Variants in FLRT1 observed in about 807,000 individuals in gnomAD.
FLRT1 encodes the protein leucine-rich repeat transmembrane protein FLRT1.
Under a neutral mutation model 30.9 loss-of-function variants are expected in FLRT1, and 14 were observed. That is an observed-to-expected ratio of 0.45 (90% CI 0.30 to 0.71). The LOEUF (loss-of-function observed/expected upper bound fraction) is 0.71, where lower values mean the gene tolerates loss of function less well. Ranked by LOEUF, FLRT1 falls within the 30% of genes least tolerant of loss-of-function variation. FLRT1 has a pLI of 0.08. For missense variants in FLRT1, 737 were observed against 949.2 expected (o/e 0.78, Z 2.94); for synonymous variants, 368 against 430.4 (o/e 0.85, Z 1.80).
chr11:64,042,366 A>T (rs1465438974), intron 1 of FLRT1, among the ~76,000 whole-genome samples: 1 of 152,028 alleles, frequency 6.6e-6, no homozygotes, highest in Non-Finnish European at 1.5e-5. Flanking sequence ...TCCTGCCCCC[A>T]GACAGTGGCC....
At position 64,117,793 on chromosome 11, in the gene FLRT1, C is replaced by T; in HGVS notation, c.1526C>T (p.Thr509Ile). The change falls in exon 3 of 3, where the codon ACC becomes ATC. Residue 509 changes from threonine (T) to isoleucine (I), a missense_variant. Transcript: ENST00000682287. The part of the protein sequence containing the change: ...PKSTYIICMV[T>I]METSNAYVAD... ...TCCACCTACATCATCTGCATGGTCA[C>T]CATGGAGACCAGCAATGCCTACGTA... is the stretch of plus-strand genomic sequence containing the variant. 6.2e-7 allele frequency: 1 copy of T among 1,614,188 alleles called. No individual in the cohort carries two copies. The highest frequency in any genetic ancestry group is 8.5e-7 in the Non-Finnish European group (1 of 1,180,052).
chr11:64,053,817 C>T (rs1488718706), intron 1 of FLRT1, among the ~76,000 whole-genome samples: 3 of 152,258 alleles, frequency 2.0e-5, no homozygotes, highest in East Asian at 1.9e-4. Context: ...CTTGCCTGCC[C>T]GCAGATGGGG....
chr11:64,107,900 T>C (rs533227367), intron 2 of FLRT1, among the ~76,000 whole-genome samples: 135 of 152,326 alleles, frequency 8.9e-4, no homozygotes, highest in African/African-American at 3.1e-3. Context: ...CTGCAGTTCA[T>C]GTCTGGGGCT....
chr11:64,054,146 C>T (rs952494152), intron 1 of FLRT1, among the ~76,000 whole-genome samples: 2 of 152,200 alleles, frequency 1.3e-5, no homozygotes, highest in African/African-American at 2.4e-5. Flanking sequence ...TGGAGCCCCA[C>T]GGCTAGCCAG....
intron 2 of FLRT1, among the ~76,000 whole-genome samples, chr11:64,109,395 G>A (rs1944820659): frequency 1.3e-5 from 2 of 152,140 alleles, no homozygotes; most frequent in Non-Finnish European, 2.9e-5. Flanking sequence ...CCCCAGACCT[G>A]GGAAACCCGG....
At chr11:64,045,121 T>G (rs557608207) in intron 1 of FLRT1, among the ~76,000 whole-genome samples, 1 of 152,298 alleles carries the variant, frequency 6.6e-6, no homozygotes, top group African/African-American at 2.4e-5. Context: ...TGGCATGTGC[T>G]TCTGCCTCGG....
Position 64,116,705 on chromosome 11 carries a change from G to A in FLRT1, c.438G>A (p.Ser146=), listed in dbSNP as rs780377796. The A allele has an allele frequency of 1.4e-5, 22 of 1,613,674 alleles. No homozygotes were observed. The highest frequency in any genetic ancestry group is 1.6e-5 in the Non-Finnish European group (19 of 1,180,022). ...ATGTGCGCACCATTGCCAGGGACTC[G>A]CTGGCCCGCATCCCGCTGCTGGAGA... ...DNNVRTIARD[S]LARIPLLEKL... The change falls in exon 3 of 3, where the codon TCG becomes TCA. Residue 146 remains serine (S), a synonymous_variant. Transcript: ENST00000682287.
intron 2 of FLRT1, among the ~76,000 whole-genome samples, chr11:64,108,904 G>A (rs897302805): frequency 2.6e-4 from 39 of 152,228 alleles, no homozygotes; most frequent in African/African-American, 8.9e-4. Context: ...ACCAGTGCCA[G>A]GCCACATGGG....
intron 2 of FLRT1, among the ~76,000 whole-genome samples, chr11:64,114,003 G>A (rs1470767335): frequency 7.6e-5 from 11 of 145,236 alleles, no homozygotes; most frequent in African/African-American, 2.8e-4. Flanking sequence ...TGAATGGACA[G>A]GTGGATGCAT....
rs756943299 is a variant in FLRT1, at chr11:64,067,432, C to T, written c.-1038+31273C>T. Among the ~76,000 whole-genome samples the T allele has an allele frequency of 7.2e-5, 11 of 152,186 alleles. No individual in the cohort carries two copies. Among genetic ancestry groups the T allele is most frequent in the Non-Finnish European group, 1.2e-4 (8 of 68,034 alleles). ...CCTTTCAGCTCACAAATCATGCCCC[C>T]GGCCCAGGTGACAGCCAGCACAGAC... On this transcript the variant is annotated intron_variant, in intron 1 of 2. Coordinates refer to ENST00000682287, the MANE Select transcript of FLRT1 (RefSeq NM_013280.5). This position sits in a 1 kb window ranked among gnomAD's most constrained non-coding sequence, Gnocchi z 4.6.
intron 1 of FLRT1, among the ~76,000 whole-genome samples, chr11:64,061,055 G>A (rs1943893314): frequency 2.0e-5 from 3 of 152,268 alleles, no homozygotes; most frequent in Admixed American, 6.5e-5. Context: ...TTGATGGAAA[G>A]GGCTTGGCGT....
At chr11:64,041,916 C>T (rs545333153) in intron 1 of FLRT1, among the ~76,000 whole-genome samples, 35 of 152,280 alleles carry the variant, frequency 2.3e-4, no homozygotes, top group African/African-American at 6.3e-4. Flanking sequence ...GAGTGAGATT[C>T]GGTGGGCTGA....
chr11:64,048,295 G>A (rs1943624232), intron 1 of FLRT1, among the ~76,000 whole-genome samples: 1 of 152,250 alleles, frequency 6.6e-6, no homozygotes, highest in Non-Finnish European at 1.5e-5. Context: ...CTGCCCCCAT[G>A]GGAGGTGCAG....
chr11:64,101,080 T>C (rs1944662335), intron 1 of FLRT1, among the ~76,000 whole-genome samples: 1 of 152,000 alleles, frequency 6.6e-6, no homozygotes, highest in Non-Finnish European at 1.5e-5. Flanking sequence ...CTTTTCATGC[T>C]CCGTTGTTGC....
chr11:64,117,195 C>T lies in FLRT1; in HGVS notation c.928C>T (p.Pro310Ser). 1 of 1,614,146 alleles carries T rather than the reference C, an allele frequency of 6.2e-7. No individual in the cohort carries two copies. The highest frequency in any genetic ancestry group is 1.1e-5 in the South Asian group (1 of 91,088). The change falls in exon 3 of 3, where the codon CCC becomes TCC. Residue 310 changes from proline (P) to serine (S), a missense_variant. Transcript: ENST00000682287. ...GTCCAACAACAACCTGACCACGCTG[C>T]CCCGCGGCCTGTTCGACGACCTGGG... The part of the protein sequence containing the change: ...DLSNNNLTTL[P>S]RGLFDDLGNL...
rs984827639 is a variant in FLRT1, at chr11:64,118,415, G to A, written c.*123G>A. The stretch of plus-strand genomic sequence containing the variant: ...GAAATTCCATGGGTGACTTTCCTCC[G>A]CAGAAAGCAAAGTTTGGGGAGGGCT... On this transcript the variant is annotated 3_prime_UTR_variant, in exon 3 of 3. Coordinates refer to ENST00000682287, the MANE Select transcript of FLRT1 (RefSeq NM_013280.5). The A allele has an allele frequency of 4.1e-5, 52 of 1,253,284 alleles. No individual in the cohort carries two copies. Among genetic ancestry groups the A allele is most frequent in the Middle Eastern group, 2.8e-4 (1 of 3,522 alleles). 77.6% of individuals were successfully genotyped at this position (1,253,284 alleles called of 1,614,324 possible). A position where few individuals can be genotyped will look rare whatever the true frequency, so the allele number is the denominator to read the frequency against.
chr11:64,057,276 C>T (rs150190800), intron 1 of FLRT1, among the ~76,000 whole-genome samples: 108 of 152,356 alleles, frequency 7.1e-4, no homozygotes, highest in African/African-American at 2.5e-3. Flanking sequence ...TTCCTCCCTG[C>T]AGACTGAGAG....
chr11:64,112,049 A>AG (rs1944872133), intron 2 of FLRT1, among the ~76,000 whole-genome samples: 2 of 152,212 alleles, frequency 1.3e-5, no homozygotes, highest in South Asian at 4.1e-4. Context: ...TCCTTCTGCC[A>AG]GGGGACCATG....
At chr11:64,072,557 G>A (rs1034489910) in intron 1 of FLRT1, among the ~76,000 whole-genome samples, 6 of 152,224 alleles carry the variant, frequency 3.9e-5, no homozygotes, top group Non-Finnish European at 2.9e-5. Flanking sequence ...TAGCAGCTGC[G>A]CTGCATCCTG....
Sources: allele counts gnomAD v4.1 joint callset (sites outside exome capture counted in the v4.1 genomes callset), GRCh38; gene constraint gnomAD v4.1.1; non-coding constraint Gnocchi (gnomAD v3.1); transcripts MANE v1.5; gene names NCBI Gene and HGNC (gene_info 2026-07-23, HGNC 2026-07-21).